Variants in AKAP6 observed in about 807,000 individuals in gnomAD.
AKAP6 encodes the protein A-kinase anchor protein 6.
A neutral mutation model predicts 188.5 loss-of-function variants in AKAP6; 58 were observed. The observed-to-expected ratio is 0.31, with a 90% CI of 0.25 to 0.38. The LOEUF (loss-of-function observed/expected upper bound fraction) is 0.38. AKAP6 is among the 10% of genes least tolerant of loss of function. The pLI, the probability that AKAP6 is intolerant of heterozygous loss-of-function variation, is 1.00. For synonymous variants in AKAP6, 989 were observed against 998.6 expected (o/e 0.99, Z 0.18); for missense variants, 2,710 against 2,740.0 (o/e 0.99, Z 0.24).
chr14:32,563,493 G>A (rs112649760), intron 4 of AKAP6, among the ~76,000 whole-genome samples: 120 of 152,238 alleles, frequency 7.9e-4, no homozygotes, highest in Non-Finnish European at 1.2e-3. Flanking sequence ...AGTACTGTGG[G>A]GGGGGAAGGG....
intron 2 of AKAP6, among the ~76,000 whole-genome samples, chr14:32,531,972 A>G (rs1328775274): frequency 3.3e-5 from 5 of 152,168 alleles, no homozygotes; most frequent in Non-Finnish European, 2.9e-5. Context: ...GTGTGCATGT[A>G]AGTTTTCATT....
chr14:32,771,861 A>G (rs2032908305), intron 11 of AKAP6, among the ~76,000 whole-genome samples: 1 of 152,220 alleles, frequency 6.6e-6, no homozygotes. Context: ...ACAAAACAGA[A>G]AGAAAACCCC....
At chr14:32,416,643 C>G (rs895841953) in intron 1 of AKAP6, among the ~76,000 whole-genome samples, 4 of 152,048 alleles carry the variant, frequency 2.6e-5, no homozygotes, top group Admixed American at 2.6e-4. Context: ...CAACCTCTGC[C>G]TCCCGGGTTC....
chr14:32,745,346 G>T (rs2031850493), intron 11 of AKAP6, among the ~76,000 whole-genome samples: 1 of 152,144 alleles, frequency 6.6e-6, no homozygotes, highest in Non-Finnish European at 1.5e-5. Flanking sequence ...AGTTCTTGCA[G>T]ACTCAAAGAG....
intron 1 of AKAP6, among the ~76,000 whole-genome samples, chr14:32,363,052 G>C (rs1299546578): frequency 2.0e-5 from 3 of 152,154 alleles, no homozygotes; most frequent in Admixed American, 2.0e-4. Context: ...CTGGGCACTG[G>C]AGCTACAGAG....
chr14:32,817,831 G>A (rs1000373066), intron 12 of AKAP6, among the ~76,000 whole-genome samples: 1 of 152,060 alleles, frequency 6.6e-6, no homozygotes. Context: ...AGCATTATTG[G>A]TTGTGTTGGG....
In AKAP6 at chr14:32,487,099, G is replaced by A. The variant is rs547147118; in HGVS notation, c.325-48455G>A. 2.0e-5 allele frequency among the ~76,000 whole-genome samples: 3 copies of A among 152,310 alleles called. No individual in the cohort carries two copies. The South Asian group carries it at 6.2e-4, about 32-fold the overall frequency. ...TCATGTGGTTTTTGTCATTGGTTCT[G>A]TTTATGTGATGGATGACATTTATTG... On this transcript the variant is annotated intron_variant, in intron 2 of 13. Coordinates refer to ENST00000280979, the MANE Select transcript of AKAP6 (RefSeq NM_004274.5).
At chr14:32,630,747 C>A in intron 7 of AKAP6, among the ~76,000 whole-genome samples, 1 of 152,118 alleles carries the variant, frequency 6.6e-6, no homozygotes, top group Admixed American at 6.5e-5. Context: ...GGGGTTAGTT[C>A]TTTTAATGTT....
At chr14:32,440,174 A>G (rs544274370) in intron 2 of AKAP6, among the ~76,000 whole-genome samples, 6 of 152,286 alleles carry the variant, frequency 3.9e-5, no homozygotes, top group African/African-American at 1.4e-4. Context: ...TACAAAGGAC[A>G]TGAATTCATC....
intron 1 of AKAP6, 69 bp from the exon 2 acceptor site, chr14:32,433,391 G>A: frequency 9.9e-7 from 1 of 1,014,372 alleles, no homozygotes; most frequent in Non-Finnish European, 1.4e-6. Context: ...TGTTTCTTCT[G>A]TGAAGTATCA....
intron 4 of AKAP6, among the ~76,000 whole-genome samples, chr14:32,575,011 A>G (rs935823410): frequency 6.6e-5 from 10 of 152,172 alleles, no homozygotes; most frequent in Non-Finnish European, 1.3e-4. Flanking sequence ...ATCAAGTCAG[A>G]TATGAACCTG....
chr14:32,818,548 A>G (rs2034444617), intron 12 of AKAP6, among the ~76,000 whole-genome samples: 1 of 151,522 alleles, frequency 6.6e-6, no homozygotes, highest in Non-Finnish European at 1.5e-5. Context: ...TTACAAATAT[A>G]TTTGATCTGC....
intron 12 of AKAP6, among the ~76,000 whole-genome samples, chr14:32,786,227 C>A: frequency 6.7e-6 from 1 of 148,534 alleles, no homozygotes; most frequent in East Asian, 2.0e-4. Context: ...GAGGACAGAT[C>A]TCTGATAATA....
chr14:32,399,197 A>T (rs1322500477), intron 1 of AKAP6, among the ~76,000 whole-genome samples: 1 of 152,152 alleles, frequency 6.6e-6, no homozygotes, highest in Non-Finnish European at 1.5e-5. Flanking sequence ...ATTTTAAATG[A>T]AACACTTCTT....
chr14:32,474,108 G>C (rs1401290081), intron 2 of AKAP6: 2 of 152,122 alleles, frequency 1.3e-5, no homozygotes, highest in African/African-American at 4.8e-5. Context: ...ATGTTGGCCA[G>C]GCTGGTCTCA....
Position 32,823,014 on chromosome 14 carries a change from T to C in AKAP6, c.5201T>C (p.Val1734Ala), listed in dbSNP as rs1463807458. 2 of 1,613,772 alleles carry C rather than the reference T, an allele frequency of 1.2e-6. No individual in the cohort carries two copies. The highest frequency in any genetic ancestry group is 2.7e-5 in the African/African-American group (2 of 74,874). The change falls in exon 13 of 14, where the codon GTC (valine) becomes GCC (alanine). Residue 1734 changes from valine to alanine, a missense_variant. Physicochemically the swap from Val to Ala is moderately conservative, Grantham distance 64. This residue lies in a region of AKAP6 where 2,473 missense variants were observed against 2,426.1 expected (regional missense o/e 1.02). Transcript: ENST00000280979. ...RSVADESDVN[V>A]SMIVNVSCTS... Reference sequence around the variant, plus strand: ...GTGGCTGATGAAAGCGATGTCAATGTCAGCATGATTGTTAATGTCTCTTGC... The same window carrying C: ...GTGGCTGATGAAAGCGATGTCAATGCCAGCATGATTGTTAATGTCTCTTGC...
chr14:32,399,560 C>T (rs1209926721), intron 1 of AKAP6, among the ~76,000 whole-genome samples: 1 of 152,132 alleles, frequency 6.6e-6, no homozygotes, highest in African/African-American at 2.4e-5. Context: ...CTTCTGGGGA[C>T]TCCCCACCTA....
chr14:32,683,784 A>G (rs1271569845), intron 8 of AKAP6, among the ~76,000 whole-genome samples: 1 of 152,204 alleles, frequency 6.6e-6, no homozygotes, highest in Non-Finnish European at 1.5e-5. Flanking sequence ...TGCAACAATT[A>G]TCTGCTAACT....
At chr14:32,775,522 T>G (rs2033032236) in intron 12 of AKAP6, among the ~76,000 whole-genome samples, 1 of 151,568 alleles carries the variant, frequency 6.6e-6, no homozygotes, top group Admixed American at 6.6e-5. Flanking sequence ...AGCCTCAAAC[T>G]CCTGGGCTCA....
Sources: allele counts gnomAD v4.1 joint callset (sites outside exome capture counted in the v4.1 genomes callset), GRCh38; gene constraint gnomAD v4.1.1; regional missense constraint gnomAD v4.1.1; transcripts MANE v1.5; gene names NCBI Gene and HGNC (gene_info 2026-07-23, HGNC 2026-07-21).